Variants in ZRANB1 observed in about 807,000 individuals in gnomAD.
ZRANB1 encodes the protein ubiquitin thioesterase ZRANB1.
In ZRANB1, 16 loss-of-function variants were observed where a neutral mutation model predicts 80.5. The ratio of observed to expected loss-of-function variants is 0.20; its 90% CI spans 0.13 to 0.30. The LOEUF (loss-of-function observed/expected upper bound fraction) is 0.30. ZRANB1 is among the 10% of genes least tolerant of loss of function. The probability of loss-of-function intolerance (pLI) is 1.00; values close to 1 mark genes in which losing one functional copy is unlikely to be tolerated. For missense variants in ZRANB1, 576 were observed against 862.6 expected (o/e 0.67, Z 4.16); for synonymous variants, 291 against 293.1 (o/e 0.99, Z 0.07).
At chr10:124,937,543 T>A (rs536214466), upstream of ZRANB1, among the ~76,000 whole-genome samples, 2 of 152,206 alleles carry the variant, frequency 1.3e-5, no homozygotes, top group South Asian at 4.2e-4. Context: ...TTGGGGAAAT[T>A]TGTAGTGTAG....
chr10:124,946,153 C>T (rs145359993), intron 1 of ZRANB1, among the ~76,000 whole-genome samples: 2 of 152,256 alleles, frequency 1.3e-5, no homozygotes, highest in African/African-American at 4.8e-5. Flanking sequence ...CACAGTGGCT[C>T]AGGTCTGTTA....
chr10:124,944,792 C>G (rs1951566205), intron 1 of ZRANB1, among the ~76,000 whole-genome samples: 1 of 152,166 alleles, frequency 6.6e-6, no homozygotes, highest in Non-Finnish European at 1.5e-5. Context: ...CTGTGCCCAG[C>G]TGAAATCCTG....
At chr10:124,939,068 T>C (rs1187764580), upstream of ZRANB1, among the ~76,000 whole-genome samples, 1 of 152,060 alleles carries the variant, frequency 6.6e-6, no homozygotes, top group Non-Finnish European at 1.5e-5. Flanking sequence ...TCCCAGCTAC[T>C]CTGGAGGCTG....
In ZRANB1 at chr10:124,983,318, C is replaced by G; in HGVS notation, c.1678+14C>G. On this transcript the variant is annotated intron_variant, in intron 7 of 8. Transcript: ENST00000359653. The surrounding 1 kb of genome is among the most constrained non-coding windows in gnomAD (Gnocchi z 6.2). ...CTCGGTTTCAAGGTAAGCCATTATTCAGGAACGTTTTACAAGTTTCTTTGA... is the reference window on the plus strand; with the variant it reads ...CTCGGTTTCAAGGTAAGCCATTATTGAGGAACGTTTTACAAGTTTCTTTGA... 1 of 1,612,690 alleles carries G rather than the reference C, an allele frequency of 6.2e-7. No individual in the cohort carries two copies. The highest frequency in any genetic ancestry group is 8.5e-7 in the Non-Finnish European group (1 of 1,179,340).
At chr10:124,978,916 C>T (rs1486130449) in intron 5 of ZRANB1, among the ~76,000 whole-genome samples, 1 of 139,288 alleles carries the variant, frequency 7.2e-6, no homozygotes, top group East Asian at 2.1e-4. Context: ...GAAGAATTAT[C>T]GGCCGGGCCT....
chr10:124,944,440 T>C (rs1415123071), intron 1 of ZRANB1, among the ~76,000 whole-genome samples: 1 of 151,878 alleles, frequency 6.6e-6, no homozygotes, highest in Non-Finnish European at 1.5e-5. Flanking sequence ...TAGGAATTGA[T>C]TTCCAAGAAA....
chr10:124,925,859 A>T, the ZRANB1 span, among the ~76,000 whole-genome samples: 2 of 152,204 alleles, frequency 1.3e-5, no homozygotes, highest in African/African-American at 4.8e-5. Context: ...GTTCTGAGCA[A>T]TGCATTTTTA....
the ZRANB1 span, among the ~76,000 whole-genome samples, chr10:124,923,581 G>T: frequency 6.6e-6 from 1 of 151,898 alleles, no homozygotes; most frequent in Non-Finnish European, 1.5e-5. Context: ...CGGAAGAAAA[G>T]AAAAAGAACT....
intron 1 of ZRANB1, among the ~76,000 whole-genome samples, chr10:124,961,034 CTT>C (rs1951729097): frequency 6.6e-6 from 1 of 150,898 alleles, no homozygotes; most frequent in Non-Finnish European, 1.5e-5. Context: ...GAGTTTCGCT[CTT>C]TGTTGTCCAG....
chr10:124,984,538 A>C (rs926309152), intron 8 of ZRANB1: 2 of 512,874 alleles, frequency 3.9e-6, no homozygotes, highest in Non-Finnish European at 6.9e-6. Flanking sequence ...ATTACCCTCT[A>C]GTGTGCTCCT....
upstream of ZRANB1, among the ~76,000 whole-genome samples, chr10:124,937,438 G>A (rs1951497804): frequency 6.6e-6 from 1 of 151,158 alleles, no homozygotes; most frequent in African/African-American, 2.4e-5. Flanking sequence ...CACCCGCCTC[G>A]GCCTCCCAAA....
chr10:124,970,612 T>A (rs1237356254), intron 2 of ZRANB1, among the ~76,000 whole-genome samples: 1 of 152,222 alleles, frequency 6.6e-6, no homozygotes. Flanking sequence ...GCAGGGTTTT[T>A]GAAATATTAT....
chr10:124,944,231 G>A (rs1951560489), intron 1 of ZRANB1, among the ~76,000 whole-genome samples: 1 of 151,866 alleles, frequency 6.6e-6, no homozygotes, highest in Admixed American at 6.6e-5. Flanking sequence ...TAAATTATTT[G>A]GATGGGCTGC....
the ZRANB1 span, chr10:124,917,108 G>T: frequency 6.5e-6 from 1 of 153,338 alleles, no homozygotes; most frequent in South Asian, 1.8e-4. Flanking sequence ...CAGCGGGGCG[G>T]GCGGCGGCGC....
rs117435286 is a variant in ZRANB1 at position 124,946,841 on chromosome 10, C to T, written c.814+3534C>T. On this transcript the variant is annotated intron_variant, in intron 1 of 8. Transcript: ENST00000359653. ...CACATGTACTCAAAATTAATCTTTA[C>T]GTCCCTTTTCTGCCTGCCTTATGTT... Among the ~76,000 whole-genome samples the T allele has an allele frequency of 2.8e-4, 43 of 152,250 alleles. No homozygotes were observed. In the East Asian group the frequency reaches 4.1e-3, roughly 14 times the overall value.
At chr10:124,966,858 A>G (rs1275645992) in intron 2 of ZRANB1, 77 bp downstream of exon 2, 2 of 1,354,126 alleles carry the variant, frequency 1.5e-6, no homozygotes, top group African/African-American at 2.9e-5. Context: ...TGATTTTATA[A>G]TGTTTCTCTA....
chr10:124,988,056 T>C lies in ZRANB1; in HGVS notation c.*3064T>C, dbSNP rs930414475. ...TAGATTAAAGTCAGAACTCTAAAAG[T>C]TGAGCAACTTTGTTTTTTTTTGAAT... On this transcript the variant is annotated 3_prime_UTR_variant, in exon 9 of 9. Coordinates refer to ENST00000359653, the MANE Select transcript of ZRANB1 (RefSeq NM_017580.3). 1 of 148,948 alleles carries C rather than the reference T, an allele frequency of 6.7e-6. No homozygotes were observed. The highest frequency in any genetic ancestry group is 2.5e-5 in the African/African-American group (1 of 39,292). 9.2% of individuals were successfully genotyped at this position (148,948 alleles called of 1,614,324 possible). A position where few individuals can be genotyped will look rare whatever the true frequency, so the allele number is the denominator to read the frequency against.
the ZRANB1 span, among the ~76,000 whole-genome samples, chr10:124,924,472 T>A: frequency 6.6e-6 from 1 of 152,158 alleles, no homozygotes; most frequent in Non-Finnish European, 1.5e-5. Flanking sequence ...CTGTACTCAT[T>A]AAGGAGTCAT....
upstream of ZRANB1, among the ~76,000 whole-genome samples, chr10:124,941,147 G>C (rs956909576): frequency 4.6e-5 from 7 of 151,538 alleles, no homozygotes; most frequent in African/African-American, 1.7e-4. Context: ...GGATGATACT[G>C]AGTTGATAAA....
Sources: allele counts gnomAD v4.1 joint callset (sites outside exome capture counted in the v4.1 genomes callset), GRCh38; gene constraint gnomAD v4.1.1; non-coding constraint Gnocchi (gnomAD v3.1); transcripts MANE v1.5; gene names NCBI Gene and HGNC (gene_info 2026-07-23, HGNC 2026-07-21).